RIN2: variants seen among roughly 807,000 people sequenced by gnomAD.
RIN2 encodes RAB5 interacting protein 2.
In RIN2, 36 loss-of-function variants were observed where a neutral mutation model predicts 78.0. The observed-to-expected ratio is 0.46, with a 90% CI of 0.35 to 0.61. The LOEUF (loss-of-function observed/expected upper bound fraction) is 0.61. Ranked by LOEUF, RIN2 falls within the 20% of genes least tolerant of loss-of-function variation. RIN2 has a pLI of 0.00. For missense variants in RIN2, 1,087 were observed against 1,159.7 expected, an observed-to-expected ratio of 0.94 and a Z score of 0.91; for synonymous variants, 466 against 466.8, an observed-to-expected ratio of 1.00 and a Z score of 0.02.
At chr20:19,925,045 A>T in intron 3 of RIN2, among the ~76,000 whole-genome samples, 1 of 132,032 alleles carries the variant, frequency 7.6e-6, no homozygotes, top group African/African-American at 2.9e-5. Flanking sequence ...GGCCTCCCCC[A>T]CCTCTTTGTG....
chr20:19,758,946 C>T (rs374630047), intron 1 of RIN2, among the ~76,000 whole-genome samples: 3 of 152,300 alleles, frequency 2.0e-5, no homozygotes, highest in African/African-American at 7.2e-5. Context: ...CTTGGGCTGT[C>T]GCGGTGATTG....
At chr20:19,984,376 A>G (rs6046508) in intron 9 of RIN2, among the ~76,000 whole-genome samples, 57,531 of 151,998 alleles carry the variant, frequency 0.38, 13,012 homozygotes, top group African/African-American at 0.63. Context: ...ACAGCATGTG[A>G]CATACTGAAC....
At chr20:19,875,642 T>G (rs2037833542) in intron 2 of RIN2, among the ~76,000 whole-genome samples, 1 of 152,128 alleles carries the variant, frequency 6.6e-6, no homozygotes, top group Non-Finnish European at 1.5e-5. Context: ...CTTTTTTTAA[T>G]AAATAAAAAA....
intron 12 of RIN2, among the ~76,000 whole-genome samples, chr20:19,998,194 C>T (rs2043030921): frequency 2.6e-5 from 4 of 152,000 alleles, no homozygotes; most frequent in Admixed American, 2.6e-4. Flanking sequence ...GGTGGCCAGG[C>T]TGGACTCAAA....
intron 2 of RIN2, among the ~76,000 whole-genome samples, chr20:19,851,006 G>GA (rs1166360308): frequency 1.3e-5 from 1 of 74,400 alleles, no homozygotes; most frequent in African/African-American, 6.5e-5. Context: ...AGGAAGGAAG[G>GA]AAGGAAGGAA....
chr20:19,835,227 A>G (rs915186023), intron 2 of RIN2, among the ~76,000 whole-genome samples: 1 of 152,128 alleles, frequency 6.6e-6, no homozygotes, highest in African/African-American at 2.4e-5. Context: ...CATTTTCTTC[A>G]TGTCTGCACT....
chr20:19,837,169 AACACACACACACACACACAC>A (rs142399537), intron 2 of RIN2, among the ~76,000 whole-genome samples: 16 of 140,210 alleles, frequency 1.1e-4, no homozygotes, highest in Admixed American at 1.4e-4. Flanking sequence ...CGCCCCCCCC[AACACACACACACACACACAC>A]ACACACACAC....
At chr20:19,990,687 C>T (rs2042771849) in intron 10 of RIN2, among the ~76,000 whole-genome samples, 5 of 152,044 alleles carry the variant, frequency 3.3e-5, no homozygotes, top group Admixed American at 2.0e-4. Flanking sequence ...CGTCTTTAGC[C>T]GGATGTCACC....
Position 19,842,387 on chromosome 20 carries a change from CTTTTTT to C in RIN2, c.-37+42661_-37+42666del, listed in dbSNP as rs139642869. On this transcript the variant is annotated intron_variant, in intron 2 of 12. Coordinates refer to ENST00000255006, the MANE Select transcript of RIN2 (RefSeq NM_018993.4). Reference sequence around the variant, plus strand: ...TACAGGCACTCACCACCATCCCTGGCTTTTTTTTTTTTTTTTTTTTTTTTTTGTATT... The same window carrying C: ...TACAGGCACTCACCACCATCCCTGGCTTTTTTTTTTTTTTTTTTTTGTATT... Among the ~76,000 whole-genome samples, 66 of 46,184 alleles carry C rather than the reference CTTTTTT, an allele frequency of 1.4e-3. 1 individual carries two copies. Among genetic ancestry groups the C allele is most frequent in the African/African-American group, 4.6e-3 (64 of 13,922 alleles). 30.3% of individuals were successfully genotyped at this position (46,184 alleles called of 152,430 possible).
At chr20:19,823,679 G>T in intron 2 of RIN2, 5 of 1,581,704 alleles carry the variant, frequency 3.2e-6, no homozygotes, top group Non-Finnish European at 4.3e-6. Context: ...CTGTCTCTTG[G>T]TGGTTCCTTG....
intron 2 of RIN2, chr20:19,823,381 CT>C: frequency 1.7e-6 from 1 of 595,804 alleles, no homozygotes; most frequent in Non-Finnish European, 2.9e-6. Flanking sequence ...AACATCTGCT[CT>C]GCCTGCTTTT....
intron 3 of RIN2, chr20:19,895,701 G>A (rs1321113431): frequency 6.6e-6 from 1 of 152,224 alleles, no homozygotes; most frequent in Non-Finnish European, 1.5e-5. Flanking sequence ...TCACAGGTTG[G>A]ATAAGAAGGT....
At chr20:19,776,885 C>T (rs1485920945) in intron 1 of RIN2, among the ~76,000 whole-genome samples, 1 of 152,154 alleles carries the variant, frequency 6.6e-6, no homozygotes, top group South Asian at 2.1e-4. Context: ...TTATGTCCCC[C>T]TAGAATGTAT....
At chr20:19,925,425 T>C (rs943580335) in intron 3 of RIN2, among the ~76,000 whole-genome samples, 2 of 152,208 alleles carry the variant, frequency 1.3e-5, no homozygotes, top group Admixed American at 6.5e-5. Flanking sequence ...CAATAAGCAA[T>C]GGCCATATTG....
chr20:19,941,947 T>C (rs138252290), intron 4 of RIN2, among the ~76,000 whole-genome samples: 29 of 152,070 alleles, frequency 1.9e-4, no homozygotes, highest in African/African-American at 6.3e-4. Flanking sequence ...ACCCCCTCTC[T>C]AGTAAAAACA....
chr20:19,924,206 C>T (rs58186614), intron 3 of RIN2, among the ~76,000 whole-genome samples: 1 of 43,500 alleles, frequency 2.3e-5, no homozygotes, highest in Admixed American at 2.8e-4. Context: ...CTTCATACCC[C>T]CAACTTTCAT....
intron 3 of RIN2, among the ~76,000 whole-genome samples, chr20:19,902,095 C>T (rs11699692): frequency 0.36 from 54,837 of 150,422 alleles, 9,911 homozygotes; most frequent in Admixed American, 0.39. Context: ...AAACCATTAA[C>T]TTATTTAATC....
intron 4 of RIN2, among the ~76,000 whole-genome samples, chr20:19,954,133 A>G (rs571800410): frequency 6.6e-6 from 1 of 152,348 alleles, no homozygotes; most frequent in South Asian, 2.1e-4. Flanking sequence ...ACACCCAAAA[A>G]TGATCGGCAT....
chr20:19,961,768 A>T (rs757123925), intron 6 of RIN2, among the ~76,000 whole-genome samples: 2 of 152,066 alleles, frequency 1.3e-5, no homozygotes, highest in Non-Finnish European at 2.9e-5. Flanking sequence ...TCAATTGTCA[A>T]CCTGGATCTT....
Sources: allele counts gnomAD v4.1 joint callset (sites outside exome capture counted in the v4.1 genomes callset), GRCh38; gene constraint gnomAD v4.1.1; transcripts MANE v1.5; gene names NCBI Gene and HGNC (gene_info 2026-07-23, HGNC 2026-07-21).